The following CREB5 variants were observed in gnomAD, a reference collection of about 807,000 sequenced individuals.
CREB5 encodes the protein cyclic AMP-responsive element-binding protein 5.
In CREB5, 19 loss-of-function variants were observed where a neutral mutation model predicts 57.1. The ratio of observed to expected loss-of-function variants is 0.33; its 90% CI spans 0.23 to 0.49. The LOEUF (loss-of-function observed/expected upper bound fraction) is 0.49, where lower values mean the gene tolerates loss of function less well. CREB5 is among the 20% of genes least tolerant of loss of function. CREB5 has a pLI of 0.99. For synonymous variants in CREB5, 238 were observed against 238.3 expected (o/e 1.00, Z 0.01); for missense variants, 579 against 671.6 (o/e 0.86, Z 1.52).
chr7:28,799,892 T>A (rs1365332683), intron 7 of CREB5, among the ~76,000 whole-genome samples: 2 of 152,226 alleles, frequency 1.3e-5, no homozygotes, highest in African/African-American at 4.8e-5. Context: ...TCCTCCCACA[T>A]AAATACCAGC....
rs139138853 is a variant in CREB5, at chr7:28,729,771, A to G, written c.702+5439A>G. Among the ~76,000 whole-genome samples the G allele has an allele frequency of 3.2e-3, 489 of 152,380 alleles. 5 individuals are homozygous for G. The highest frequency in any genetic ancestry group is 0.031 in the South Asian group (149 of 4,832). Reference sequence around the variant, plus strand: ...TCTGCTTCTCAGAAGCTTTGTGACTAGGAAAGAAGTGCTATTGACTTTAAA... The same window carrying G: ...TCTGCTTCTCAGAAGCTTTGTGACTGGGAAAGAAGTGCTATTGACTTTAAA... On this transcript the variant is annotated intron_variant, in intron 7 of 10. Transcript: ENST00000357727.
rs371367477 is a variant in CREB5, at chr7:28,570,484, G to A, written c.411G>A (p.Ser137=). ...TTGTGATTCAGCAAGCCATGCCGTC[G>A]CCTCAGTCCAGCTCTGTCATCACTC... ...TNVVIQQAMP[S]PQSSSVITQA... Residue 137 remains serine, a synonymous_variant, in exon 5 of 11, where the codon TCG becomes TCA. Coordinates refer to ENST00000357727, the MANE Select transcript of CREB5 (RefSeq NM_182898.4). 1.0e-4 allele frequency: 162 copies of A among 1,614,122 alleles called. 1 individual carries two copies. The highest frequency in any genetic ancestry group is 3.6e-4 in the East Asian group (16 of 44,850).
intron 1 of CREB5, among the ~76,000 whole-genome samples, chr7:28,381,806 T>C (rs910485900): frequency 2.0e-5 from 3 of 152,166 alleles, no homozygotes; most frequent in African/African-American, 7.2e-5. Context: ...TGGTAGTCGC[T>C]GAGTTTTGCT....
At chr7:28,586,455 G>A (rs1271064771) in intron 5 of CREB5, among the ~76,000 whole-genome samples, 3 of 152,204 alleles carry the variant, frequency 2.0e-5, no homozygotes, top group Admixed American at 6.5e-5. Context: ...TAGGGTACCT[G>A]TCCCTGCCAG....
intron 5 of CREB5, among the ~76,000 whole-genome samples, chr7:28,716,595 C>T (rs189660173): frequency 1.6e-3 from 244 of 152,284 alleles, no homozygotes; most frequent in African/African-American, 5.6e-3. Flanking sequence ...GATTATTTAT[C>T]TTGGATTTAG....
At chr7:28,698,443 G>A (rs1303253685) in intron 5 of CREB5, among the ~76,000 whole-genome samples, 3 of 150,054 alleles carry the variant, frequency 2.0e-5, no homozygotes, top group Middle Eastern at 3.5e-3. Flanking sequence ...ATAACCCCAC[G>A]ACTCAAAAAT....
At chr7:28,682,263 C>T (rs1800632757) in intron 5 of CREB5, among the ~76,000 whole-genome samples, 1 of 152,226 alleles carries the variant, frequency 6.6e-6, no homozygotes, top group African/African-American at 2.4e-5. Context: ...TGAATCCTGC[C>T]TGCACATGGT....
At chr7:28,747,515 G>A (rs903038421) in intron 7 of CREB5, among the ~76,000 whole-genome samples, 3 of 152,226 alleles carry the variant, frequency 2.0e-5, no homozygotes, top group African/African-American at 7.2e-5. Flanking sequence ...TGTGTCACAG[G>A]GGTTTGCTGG....
At chr7:28,737,717 T>C (rs1804111325) in intron 7 of CREB5, among the ~76,000 whole-genome samples, 1 of 151,664 alleles carries the variant, frequency 6.6e-6, no homozygotes, top group African/African-American at 2.4e-5. Flanking sequence ...ATTAAGTAAC[T>C]TACTTTAGAT....
At chr7:28,452,973 A>C (rs1477070534) in intron 1 of CREB5, among the ~76,000 whole-genome samples, 2 of 152,232 alleles carry the variant, frequency 1.3e-5, no homozygotes, top group African/African-American at 4.8e-5. Context: ...TCCCATGAAC[A>C]GAAATTCACA....
chr7:28,574,592 AT>A (rs1180191388), intron 5 of CREB5, among the ~76,000 whole-genome samples: 1 of 152,240 alleles, frequency 6.6e-6, no homozygotes, highest in Non-Finnish European at 1.5e-5. Context: ...ATAATATGGA[AT>A]TTGGAGTTCT....
intron 4 of CREB5, among the ~76,000 whole-genome samples, chr7:28,552,026 T>TTCTCTCTC (rs1794689483): frequency 6.6e-6 from 1 of 150,914 alleles, no homozygotes; most frequent in African/African-American, 2.5e-5. Context: ...TCTCTCTCTT[T>TTCTCTCTC]CTCTCTTTTC....
At chr7:28,480,391 G>A (rs542407034) in intron 1 of CREB5, among the ~76,000 whole-genome samples, 1 of 152,298 alleles carries the variant, frequency 6.6e-6, no homozygotes, top group East Asian at 1.9e-4. Context: ...TTTCTCTCAG[G>A]AGTTCATGGG....
At chr7:28,800,511 G>A (rs1808299077) in intron 7 of CREB5, among the ~76,000 whole-genome samples, 1 of 152,204 alleles carries the variant, frequency 6.6e-6, no homozygotes, top group South Asian at 2.1e-4. Context: ...TAAAGCCAAG[G>A]GTGAGGAAGT....
chr7:28,744,562 G>A (rs558294291), intron 7 of CREB5, among the ~76,000 whole-genome samples: 5 of 151,952 alleles, frequency 3.3e-5, no homozygotes, highest in Non-Finnish European at 5.9e-5. Context: ...TGGCCAGGGT[G>A]GTCTCGATCT....
chr7:28,560,879 C>CGTGTGCGCGCGCGCGT (rs1215492156), intron 4 of CREB5, among the ~76,000 whole-genome samples: 1 of 22,060 alleles, frequency 4.5e-5, no homozygotes, highest in African/African-American at 1.3e-4. Context: ...CGTGCGCGTG[C>CGTGTGCGCGCGCGCGT]GTGCGTGCGT....
At chr7:28,354,907 T>C (rs1051328797) in intron 1 of CREB5, among the ~76,000 whole-genome samples, 1 of 152,156 alleles carries the variant, frequency 6.6e-6, no homozygotes, top group Non-Finnish European at 1.5e-5. Context: ...TAAGGATGAA[T>C]GCCTGCATGG....
intron 1 of CREB5, among the ~76,000 whole-genome samples, chr7:28,422,803 T>G (rs1409827364): frequency 1.3e-5 from 2 of 152,200 alleles, no homozygotes; most frequent in East Asian, 3.9e-4. Context: ...GGATTCTCAT[T>G]TATGTTTCTC....
At chr7:28,699,030 G>A (rs988704251) in intron 5 of CREB5, among the ~76,000 whole-genome samples, 31 of 152,308 alleles carry the variant, frequency 2.0e-4, no homozygotes, top group African/African-American at 7.2e-4. Flanking sequence ...AATAAGGGAG[G>A]GAGAGGGACT....
Sources: allele counts gnomAD v4.1 joint callset (sites outside exome capture counted in the v4.1 genomes callset), GRCh38; gene constraint gnomAD v4.1.1; transcripts MANE v1.5; gene names NCBI Gene and HGNC (gene_info 2026-07-23, HGNC 2026-07-21).